The following AHRR variants were observed in gnomAD, a reference collection of about 807,000 sequenced individuals.
AHRR encodes the protein aryl hydrocarbon receptor repressor.
AHRR carries 28 observed loss-of-function variants against 44.0 expected under a neutral mutation model. That is an observed-to-expected ratio of 0.64 (90% CI 0.47 to 0.87). The LOEUF (loss-of-function observed/expected upper bound fraction) is 0.87, where lower values mean the gene tolerates loss of function less well. Among genes scored for constraint, AHRR ranks in the 40% least tolerant of loss-of-function variants. AHRR has a pLI of 0.00. For missense variants in AHRR, 990 were observed against 953.9 expected (o/e 1.04, Z -0.50); for synonymous variants, 434 against 407.0 (o/e 1.07, Z -0.80).
intron 3 of AHRR, among the ~76,000 whole-genome samples, chr5:372,878 G>A (rs928114879): frequency 2.0e-5 from 3 of 152,146 alleles, no homozygotes; most frequent in Non-Finnish European, 2.9e-5. Flanking sequence ...TTGGGTTCCC[G>A]GTGACACCTT....
chr5:354,624 C>T lies in AHRR; in HGVS notation c.244+713C>T, dbSNP rs914967673. Among the ~76,000 whole-genome samples, 12 of 152,108 alleles carry T rather than the reference C, an allele frequency of 7.9e-5. No individual in the cohort carries two copies. The South Asian group carries it at 8.3e-4, about 11-fold the overall frequency. On this transcript the variant is annotated intron_variant, in intron 3 of 10. Coordinates refer to ENST00000684583, the MANE Select transcript of AHRR (RefSeq NM_001377236.1). ...GTAGACCGTGGGGCCTTTGCTGTTG[C>T]GGGAGGGTGGGAGAGAAGCTGCTTT...
At chr5:347,486 A>G (rs906170840) in intron 2 of AHRR, among the ~76,000 whole-genome samples, 1 of 152,218 alleles carries the variant, frequency 6.6e-6, no homozygotes, top group African/African-American at 2.4e-5. Flanking sequence ...TCCTTAAAAT[A>G]TATGTATTTA....
intron 2 of AHRR, among the ~76,000 whole-genome samples, chr5:351,310 A>T (rs978649280): frequency 6.6e-6 from 1 of 152,256 alleles, no homozygotes; most frequent in Non-Finnish European, 1.5e-5. Flanking sequence ...ATGAGTGTTC[A>T]CTGCACCGAT....
In AHRR at chr5:423,975, CT is replaced by C. The variant is rs750239056; in HGVS notation, c.707del (p.Leu236ArgfsTer9). 1 of 1,598,668 alleles carries C rather than the reference CT, an allele frequency of 6.3e-7. No homozygotes were observed. Among genetic ancestry groups the C allele is most frequent in the Non-Finnish European group, 8.5e-7 (1 of 1,178,924 alleles). ...CCTGCTGGACAGCACCTCGGGCTTC[CT>C]GGTGAGTGCGTGGGTCCCTGGCAGG... ...RCLLDSTSGF[L>X]TMQFQGKLKF... On this transcript the variant is annotated frameshift_variant and splice_region_variant, in exon 7 of 11. Coordinates refer to ENST00000684583, the MANE Select transcript of AHRR (RefSeq NM_001377236.1).
chr5:392,735 G>A (rs1335837283), intron 4 of AHRR, among the ~76,000 whole-genome samples: 1 of 152,154 alleles, frequency 6.6e-6, no homozygotes, highest in Admixed American at 6.5e-5. Flanking sequence ...CATGCTGTGT[G>A]ACTCTTCAGA....
chr5:376,328 C>T (rs969137785), intron 3 of AHRR, among the ~76,000 whole-genome samples: 26 of 152,050 alleles, frequency 1.7e-4, no homozygotes, highest in Non-Finnish European at 2.9e-4. Flanking sequence ...CAGAGCAGAG[C>T]GGGTGTGGGG....
intron 4 of AHRR, among the ~76,000 whole-genome samples, chr5:399,967 G>C (rs930077377): frequency 1.3e-5 from 2 of 152,232 alleles, no homozygotes; most frequent in Non-Finnish European, 2.9e-5. Flanking sequence ...GCGCTGCCTC[G>C]CACGCACGCA....
intron 4 of AHRR, among the ~76,000 whole-genome samples, chr5:391,545 GGCGAGGCAGGGCCAGAGC>G (rs1203813353): frequency 0.075 from 2,092 of 27,966 alleles, 844 homozygotes; most frequent in South Asian, 0.11. Flanking sequence ...GAGGGCGCAG[GGCGAGGCAGGGCCAGAGC>G]GTGCACGGGG....
Position 387,087 on chromosome 5 carries a change from A to C in AHRR, c.351+10371A>C, listed in dbSNP as rs1426210686. On this transcript the variant is annotated intron_variant, in intron 4 of 10. Transcript: ENST00000684583. The surrounding 1 kb of genome is among the most constrained non-coding windows in gnomAD (Gnocchi z 5.1). ...GCTGCACGGGGTGGGTCTGCCCCTG[A>C]CAGGCAGTCCTTGGGGCCTTGGGCA... is the stretch of plus-strand genomic sequence containing the variant. Among the ~76,000 whole-genome samples, 3 of 152,234 alleles carry C rather than the reference A, an allele frequency of 2.0e-5. No individual in the cohort carries two copies. The highest frequency in any genetic ancestry group is 4.4e-5 in the Non-Finnish European group (3 of 68,044).
At chr5:333,477 T>A (rs1742008127) in intron 1 of AHRR, among the ~76,000 whole-genome samples, 1 of 151,904 alleles carries the variant, frequency 6.6e-6, no homozygotes, top group African/African-American at 2.4e-5. Context: ...AGGGCTATAG[T>A]TCTAGCTACT....
At chr5:340,688 A>ATATATATATATATATTT (rs1269938749) in intron 1 of AHRR, among the ~76,000 whole-genome samples, 3 of 12,926 alleles carry the variant, frequency 2.3e-4, no homozygotes, top group Non-Finnish European at 3.8e-4. Flanking sequence ...ATATATATAT[A>ATATATATATATATATTT]TTTTTTTTTT....
In AHRR at chr5:353,248, G is replaced by A. The variant is rs529633265; in HGVS notation, c.63-482G>A. On this transcript the variant is annotated intron_variant, in intron 2 of 10. Coordinates refer to ENST00000684583, the MANE Select transcript of AHRR (RefSeq NM_001377236.1). The stretch of plus-strand genomic sequence containing the variant: ...CTCGGAGCGGCCTTGGGCACGGCCC[G>A]GCTGATGCCAGGAGGACCTTTTCAT... Among the ~76,000 whole-genome samples, 35 of 152,328 alleles carry A rather than the reference G, an allele frequency of 2.3e-4. 1 individual carries two copies. Among genetic ancestry groups the A allele is most frequent in the Non-Finnish European group, 4.0e-4 (27 of 68,022 alleles).
At chr5:380,131 A>C (rs966216826) in intron 4 of AHRR, among the ~76,000 whole-genome samples, 2 of 152,202 alleles carry the variant, frequency 1.3e-5, no homozygotes, top group African/African-American at 4.8e-5. Context: ...GTGAAAAATC[A>C]ATTGGCTGTA....
At chr5:432,311 A>G in intron 8 of AHRR, 152 bp from the exon 9 acceptor site, 1 of 697,104 alleles carries the variant, frequency 1.4e-6, no homozygotes, top group Non-Finnish European at 2.4e-6. Context: ...ACTATAAAGA[A>G]TTAAACAAGA....
chr5:414,521 A>G (rs1355860636), intron 5 of AHRR, among the ~76,000 whole-genome samples: 1 of 152,120 alleles, frequency 6.6e-6, no homozygotes, highest in East Asian at 1.9e-4. Context: ...ACTCCCACAA[A>G]AATACCCGCC....
In AHRR at chr5:434,387, G is replaced by C; in HGVS notation, c.1647G>C (p.Val549=). 1 of 1,613,582 alleles carries C rather than the reference G, an allele frequency of 6.2e-7. No individual in the cohort carries two copies. ...SGCEGAADGC[V]PSQVWLGASD... ...GTGAGGGTGCTGCAGACGGCTGTGT[G>C]CCCAGCCAGGTGTGGCTGGGGGCCA... is the stretch of plus-strand genomic sequence containing the variant. Residue 549 remains valine, a synonymous_variant, in exon 11 of 11, where the codon GTG becomes GTC. Coordinates refer to ENST00000684583, the MANE Select transcript of AHRR (RefSeq NM_001377236.1).
intron 8 of AHRR, among the ~76,000 whole-genome samples, chr5:430,239 G>A (rs1736660660): frequency 6.6e-6 from 1 of 152,204 alleles, no homozygotes; most frequent in Non-Finnish European, 1.5e-5. Context: ...CAGAGTCCAG[G>A]CTCCCGAACT....
rs906259319 is a variant in AHRR at position 395,419 on chromosome 5, C to G, written c.352-17925C>G. Among the ~76,000 whole-genome samples, 1 of 152,186 alleles carries G rather than the reference C, an allele frequency of 6.6e-6. No homozygotes were observed. Among genetic ancestry groups the G allele is most frequent in the African/African-American group, 2.4e-5 (1 of 41,448 alleles). ...CAGGAAGGGCAGCTGACTCACCAGCCCAGAGCAGGGGAATCTCACCAGTTC... is the reference window on the plus strand; with the variant it reads ...CAGGAAGGGCAGCTGACTCACCAGCGCAGAGCAGGGGAATCTCACCAGTTC... On this transcript the variant is annotated intron_variant, in intron 4 of 10. Coordinates refer to ENST00000684583, the MANE Select transcript of AHRR (RefSeq NM_001377236.1). The surrounding 1 kb of genome is among the most constrained non-coding windows in gnomAD (Gnocchi z 5.3).
At position 324,855 on chromosome 5, in the gene AHRR, G is replaced by A. The variant is rs976548991; in HGVS notation, c.-11+3036G>A. On this transcript the variant is annotated intron_variant, in intron 1 of 10. Transcript: ENST00000684583. ...ATTCAGGGGGCACTGGCTGTGGGGA[G>A]GGGGTAGGCAGGCCAGCTCCTTGGA... is the stretch of plus-strand genomic sequence containing the variant. Among the ~76,000 whole-genome samples, 8 of 152,196 alleles carry A rather than the reference G, an allele frequency of 5.3e-5. 1 individual carries two copies. Among genetic ancestry groups the A allele is most frequent in the Admixed American group, 2.0e-4 (3 of 15,286 alleles).
Sources: gnomAD v4.1 joint callset for allele counts (sites outside exome capture counted in the v4.1 genomes callset) on GRCh38, gnomAD v4.1.1 for gene constraint, Gnocchi (gnomAD v3.1) non-coding constraint, MANE v1.5 for transcripts, NCBI Gene and HGNC (gene_info 2026-07-23, HGNC 2026-07-21) for gene names.